Variants in ZNF454 observed in about 807,000 individuals in gnomAD.
The protein encoded by ZNF454 is zinc finger protein 454.
Under a neutral mutation model 48.2 loss-of-function variants are expected in ZNF454, and 30 were observed. That is an observed-to-expected ratio of 0.62 (90% CI 0.47 to 0.84). The LOEUF is 0.84. ZNF454 is among the 40% of genes least tolerant of loss of function. The pLI is 0.00. For synonymous variants in ZNF454, 204 were observed against 211.4 expected, an observed-to-expected ratio of 0.97 and a Z score of 0.30; for missense variants, 510 against 623.1, an observed-to-expected ratio of 0.82 and a Z score of 1.93.
At chr5:178,947,946 G>A (rs1022601409) in intron 4 of ZNF454, among the ~76,000 whole-genome samples, 18 of 152,010 alleles carry the variant, frequency 1.2e-4, no homozygotes, top group Admixed American at 1.1e-3. Context: ...ACGGAGCCTC[G>A]CTGTGTCACC....
rs993783558 is a variant in ZNF454 at position 178,941,218 on chromosome 5, A to G, written c.-334A>G. On this transcript the variant is annotated 5_prime_UTR_variant, in exon 1 of 5. Coordinates refer to ENST00000519564, the MANE Select transcript of ZNF454 (RefSeq NM_001178089.3). This position sits in a 1 kb window ranked among gnomAD's most constrained non-coding sequence, Gnocchi z 5.5. ...AGTTCGGCTCCCGGCTGCAGACTCC[A>G]GCTCATTGTGTTCTGACTGCGATGT... The G allele has an allele frequency of 1.1e-5, 4 of 371,914 alleles. No individual in the cohort carries two copies. The highest frequency in any genetic ancestry group is 7.3e-5 in the East Asian group (1 of 13,692). 23.0% of individuals were successfully genotyped at this position (371,914 alleles called of 1,614,324 possible).
At chr5:178,985,664 C>A in the ZNF454 span, 24 of 397,544 alleles carry the variant, frequency 6.0e-5, no homozygotes, top group Admixed American at 4.5e-4. Flanking sequence ...GATAGTGCCA[C>A]TGCACTCCAG....
chr5:178,981,885 C>T, the ZNF454 span: 21 of 1,306,530 alleles, frequency 1.6e-5, no homozygotes, highest in Non-Finnish European at 2.3e-5. The surrounding 1 kb of genome is among the most constrained non-coding windows in gnomAD (Gnocchi z 5.1). Context: ...CCAGATGGGA[C>T]TCAGCCCTGC....
rs1021425742 is a variant in ZNF454, at chr5:178,941,520, G to A, written c.-108+76G>A. 1 of 456,524 alleles carries A rather than the reference G, an allele frequency of 2.2e-6. No individual in the cohort carries two copies. Among genetic ancestry groups the A allele is most frequent in the African/African-American group, 2.0e-5 (1 of 50,082 alleles). The allele number at this position is 456,524 out of a possible 1,614,324, so 28.3% of individuals were successfully genotyped here. A position where few individuals can be genotyped will look rare whatever the true frequency, so the allele number is the denominator to read the frequency against. On this transcript the variant is annotated intron_variant, in intron 1 of 4. Coordinates refer to ENST00000519564, the MANE Select transcript of ZNF454 (RefSeq NM_001178089.3). This position sits in a 1 kb window ranked among gnomAD's most constrained non-coding sequence, Gnocchi z 5.5. Reference sequence around the variant, plus strand: ...CCTGGGCTGAGGGTCGAGTCTGTGAGTGCCTGTGGAGGAGATGGAGCCAGG... The same window carrying A: ...CCTGGGCTGAGGGTCGAGTCTGTGAATGCCTGTGGAGGAGATGGAGCCAGG...
intron 4 of ZNF454, among the ~76,000 whole-genome samples, chr5:178,957,158 A>T (rs1759802048): frequency 6.6e-6 from 1 of 152,004 alleles, no homozygotes; most frequent in Non-Finnish European, 1.5e-5. Context: ...CTGGGATTAC[A>T]GGCGTGAGCC....
chr5:178,983,738 T>G, the ZNF454 span, among the ~76,000 whole-genome samples: 1 of 152,162 alleles, frequency 6.6e-6, no homozygotes, highest in African/African-American at 2.4e-5. Context: ...CGAGGAGTAC[T>G]GGAGTCTGTG....
the ZNF454 span, among the ~76,000 whole-genome samples, chr5:178,978,071 C>T: frequency 6.6e-6 from 1 of 152,216 alleles, no homozygotes; most frequent in African/African-American, 2.4e-5. Flanking sequence ...TTGTAATAAG[C>T]ATCAGTATTC....
the ZNF454 span, chr5:178,981,419 T>C: frequency 1.0e-5 from 5 of 498,858 alleles, no homozygotes; most frequent in Non-Finnish European, 1.8e-5. This position sits in a 1 kb window ranked among gnomAD's most constrained non-coding sequence, Gnocchi z 5.1. Context: ...CGGTGGCTGT[T>C]TCCCACCATG....
At chr5:178,985,572 G>C in the ZNF454 span, 535 of 338,118 alleles carry the variant, frequency 1.6e-3, 3 homozygotes, top group African/African-American at 5.7e-3. Flanking sequence ...GCGTGGTGGC[G>C]GGCGCCTGTA....
At chr5:178,968,350 A>G (rs1023037450), downstream of ZNF454, among the ~76,000 whole-genome samples, 1 of 152,162 alleles carries the variant, frequency 6.6e-6, no homozygotes, top group African/African-American at 2.4e-5. Context: ...CCCATGTTAC[A>G]GAAGAGGATA....
At chr5:178,981,890 C>A in the ZNF454 span, 1 of 1,210,422 alleles carries the variant, frequency 8.3e-7, no homozygotes, top group Non-Finnish European at 1.2e-6. This position sits in a 1 kb window ranked among gnomAD's most constrained non-coding sequence, Gnocchi z 5.1. Context: ...TGGGACTCAG[C>A]CCTGCTCTCC....
At chr5:178,983,069 G>A in the ZNF454 span, 1 of 1,614,114 alleles carries the variant, frequency 6.2e-7, no homozygotes, top group Non-Finnish European at 8.5e-7. Context: ...CCATGAGCAG[G>A]AGGCTGTAGC....
At chr5:178,981,306 G>C in the ZNF454 span, 1 of 280,022 alleles carries the variant, frequency 3.6e-6, no homozygotes, top group East Asian at 8.6e-5. The surrounding 1 kb of genome is among the most constrained non-coding windows in gnomAD (Gnocchi z 5.1). Context: ...TGACTGAGGG[G>C]AGGAAATCTC....
the ZNF454 span, among the ~76,000 whole-genome samples, chr5:178,973,626 A>G: frequency 2.6e-5 from 4 of 152,018 alleles, no homozygotes; most frequent in East Asian, 1.9e-4. Flanking sequence ...GGCGGATCAC[A>G]AGGTCAGGAG....
intron 2 of ZNF454, among the ~76,000 whole-genome samples, chr5:178,945,814 G>GTTC (rs1345070868): frequency 1.3e-5 from 2 of 151,954 alleles, no homozygotes; most frequent in Non-Finnish European, 2.9e-5. Context: ...TGTTCCAGAT[G>GTTC]CAGGGAAGGC....
At position 178,965,144 on chromosome 5, in the gene ZNF454, A is replaced by C; in HGVS notation, c.740A>C (p.Lys247Thr). Reference sequence around the variant, plus strand: ...ACTGGCGAGAAACCCTATGAATGTAAGGAATGTGGCAAGGCCTTCTCAGTG... The same window carrying C: ...ACTGGCGAGAAACCCTATGAATGTACGGAATGTGGCAAGGCCTTCTCAGTG... ...IHTGEKPYEC[K>T]ECGKAFSVSS... Residue 247 changes from lysine to threonine, a missense_variant, in exon 5 of 5, where the codon AAG becomes ACG. Lys to Thr is a moderately conservative substitution (Grantham distance 78). This residue lies in a region of ZNF454 where 354 missense variants were observed against 408.9 expected (regional missense o/e 0.87). Coordinates refer to ENST00000519564, the MANE Select transcript of ZNF454 (RefSeq NM_001178089.3). The surrounding 1 kb of genome is among the most constrained non-coding windows in gnomAD (Gnocchi z 5.2). The C allele has an allele frequency of 6.2e-7, 1 of 1,614,202 alleles. No individual in the cohort carries two copies. Among genetic ancestry groups the C allele is most frequent in the South Asian group, 1.1e-5 (1 of 91,080 alleles).
Position 178,946,926 on chromosome 5 carries a change from T to C in ZNF454, c.190T>C (p.Ser64Pro), listed in dbSNP as rs774295651. Reference protein sequence around the residue: ...GLLGPKPDTFSQLEKREVWMP... With the variant: ...GLLGPKPDTFPQLEKREVWMP... Reference sequence around the variant, plus strand: ...CTTAGGACCCAAACCAGATACGTTTTCCCAGCTAGAAAAAAGGGAAGTGTG... The same window carrying C: ...CTTAGGACCCAAACCAGATACGTTTCCCCAGCTAGAAAAAAGGGAAGTGTG... Residue 64 changes from serine to proline, a missense_variant, in exon 4 of 5, where the codon TCC (serine) becomes CCC (proline). Ser to Pro is a moderately conservative substitution (Grantham distance 74). This residue lies in a region of ZNF454 where 354 missense variants were observed against 408.9 expected (regional missense o/e 0.87). Transcript: ENST00000519564. The surrounding 1 kb of genome is among the most constrained non-coding windows in gnomAD (Gnocchi z 4.5). The C allele has an allele frequency of 6.2e-7, 1 of 1,614,074 alleles. No individual in the cohort carries two copies. The highest frequency in any genetic ancestry group is 8.5e-7 in the Non-Finnish European group (1 of 1,179,996).
chr5:178,944,305 C>T lies in ZNF454; in HGVS notation c.33+1481C>T, dbSNP rs1490418130. Among the ~76,000 whole-genome samples, 2 of 152,176 alleles carry T rather than the reference C, an allele frequency of 1.3e-5. No homozygotes were observed. The highest frequency in any genetic ancestry group is 2.9e-5 in the Non-Finnish European group (2 of 68,034). On this transcript the variant is annotated intron_variant, in intron 2 of 4. Transcript: ENST00000519564. The surrounding 1 kb of genome is among the most constrained non-coding windows in gnomAD (Gnocchi z 4.1). ...TCATGCACCACTTTTTCTGCAAAAC[C>T]TGTCCGCACCCACAGTGCCAGTCTA... is the stretch of plus-strand genomic sequence containing the variant.
At position 178,942,812 on chromosome 5, in the gene ZNF454, A is replaced by C. The variant is rs1373741447; in HGVS notation, c.21A>C (p.Pro7=). The part of the protein sequence containing the change: MAVSHL[P]TMVQESVTFK... Reference sequence around the variant, plus strand: ...AAAGAATGGCTGTCAGCCACCTGCCAACCATGGTCCAGGTGAGTGGGGGTT... The same window carrying C: ...AAAGAATGGCTGTCAGCCACCTGCCCACCATGGTCCAGGTGAGTGGGGGTT... The change falls in exon 2 of 5, where the codon CCA becomes CCC. Residue 7 remains proline (P), a synonymous_variant. Coordinates refer to ENST00000519564, the MANE Select transcript of ZNF454 (RefSeq NM_001178089.3). 1.2e-6 allele frequency: 2 copies of C among 1,613,880 alleles called. No homozygotes were observed. Among genetic ancestry groups the C allele is most frequent in the South Asian group, 2.2e-5 (2 of 91,020 alleles).
Sources: allele counts gnomAD v4.1 joint callset (sites outside exome capture counted in the v4.1 genomes callset), GRCh38; gene constraint gnomAD v4.1.1; regional missense constraint gnomAD v4.1.1; non-coding constraint Gnocchi (gnomAD v3.1); transcripts MANE v1.5; gene names NCBI Gene and HGNC (gene_info 2026-07-23, HGNC 2026-07-21).